DACH1: variants seen among roughly 807,000 people sequenced by gnomAD.
The protein encoded by DACH1 is dachshund family transcription factor 1, also known as dachshund homolog 1.
Under a neutral mutation model 54.2 loss-of-function variants are expected in DACH1, and 12 were observed. The observed-to-expected ratio is 0.22, with a 90% confidence interval of 0.14 to 0.36. DACH1 has a LOEUF of 0.36. Among genes scored for constraint, DACH1 ranks in the 10% least tolerant of loss-of-function variants. The pLI, the probability that DACH1 is intolerant of heterozygous loss-of-function variation, is 1.00. For synonymous variants in DACH1, 386 were observed against 366.2 expected (o/e 1.05, Z -0.62); for missense variants, 805 against 929.8 (o/e 0.87, Z 1.75).
chr13:71,452,008 T>G (rs1384844976), intron 10 of DACH1, among the ~76,000 whole-genome samples: 1 of 152,166 alleles, frequency 6.6e-6, no homozygotes, highest in Non-Finnish European at 1.5e-5. Flanking sequence ...ACAGAGAAAA[T>G]GCTAAAACAC....
intron 1 of DACH1, among the ~76,000 whole-genome samples, chr13:71,816,581 C>CATATATATATACACACATAT (rs1566519157): frequency 1.1e-4 from 13 of 122,738 alleles, no homozygotes; most frequent in African/African-American, 4.1e-4. Flanking sequence ...TATATATACA[C>CATATATATATACACACATAT]GTATATATAT....
At chr13:71,485,630 G>A (rs1431571166) in intron 7 of DACH1, among the ~76,000 whole-genome samples, 2 of 128,632 alleles carry the variant, frequency 1.6e-5, no homozygotes, top group Non-Finnish European at 3.1e-5. Context: ...CTGTCGCCAG[G>A]CTGGAGTGCA....
chr13:71,496,452 C>T (rs2138221206), intron 6 of DACH1, among the ~76,000 whole-genome samples: 1 of 151,178 alleles, frequency 6.6e-6, no homozygotes, highest in Non-Finnish European at 1.5e-5. Flanking sequence ...TATCTTAAAA[C>T]AAGTCAGTTA....
At chr13:71,695,811 G>A (rs576939064) in intron 1 of DACH1, among the ~76,000 whole-genome samples, 3 of 152,180 alleles carry the variant, frequency 2.0e-5, no homozygotes, top group Non-Finnish European at 2.9e-5. Flanking sequence ...AATTGTGTTT[G>A]TTCAGTAGCC....
intron 7 of DACH1, among the ~76,000 whole-genome samples, chr13:71,488,311 T>C (rs1327951270): frequency 1.3e-5 from 2 of 152,196 alleles, no homozygotes; most frequent in African/African-American, 2.4e-5. Flanking sequence ...GATCACTTCA[T>C]GTGTGGGCAA....
chr13:71,828,444 C>A (rs560584113), intron 1 of DACH1, among the ~76,000 whole-genome samples: 4 of 151,894 alleles, frequency 2.6e-5, no homozygotes, highest in Non-Finnish European at 5.9e-5. Context: ...TACACCCGTG[C>A]CATCGACATC....
intron 3 of DACH1, among the ~76,000 whole-genome samples, chr13:71,610,192 A>AACC (rs57905456): frequency 0.14 from 21,675 of 152,058 alleles, 3,611 homozygotes; most frequent in African/African-American, 0.4. Flanking sequence ...AGGTTCTATG[A>AACC]ACCACTAAAT....
At chr13:71,586,840 T>A (rs915519835) in intron 3 of DACH1, among the ~76,000 whole-genome samples, 1 of 152,124 alleles carries the variant, frequency 6.6e-6, no homozygotes, top group Non-Finnish European at 1.5e-5. Context: ...GTTTCTCACA[T>A]GTAAAATAAT....
chr13:71,454,162 C>A (rs1875334981), intron 10 of DACH1, among the ~76,000 whole-genome samples: 1 of 152,104 alleles, frequency 6.6e-6, no homozygotes, highest in Admixed American at 6.5e-5. Context: ...GTTAATCAAG[C>A]AAATTTACCA....
intron 3 of DACH1, among the ~76,000 whole-genome samples, chr13:71,599,759 A>AT (rs1033261496): frequency 1.8e-4 from 28 of 151,538 alleles, no homozygotes; most frequent in Non-Finnish European, 1.5e-4. Context: ...GCTAATGTTA[A>AT]TTTTTTTTAC....
chr13:71,560,954 T>C (rs935534007), intron 4 of DACH1, among the ~76,000 whole-genome samples: 2 of 152,186 alleles, frequency 1.3e-5, no homozygotes, highest in Admixed American at 1.3e-4. Context: ...AATTAGTACA[T>C]TATTCCTTAT....
intron 2 of DACH1, among the ~76,000 whole-genome samples, chr13:71,643,953 A>G (rs967360512): frequency 3.9e-5 from 6 of 152,166 alleles, no homozygotes; most frequent in Non-Finnish European, 5.9e-5. Flanking sequence ...CTAAAAGCAG[A>G]GGTCAGCTTT....
intron 1 of DACH1, among the ~76,000 whole-genome samples, chr13:71,779,178 C>T (rs995390097): frequency 8.2e-6 from 1 of 121,214 alleles, no homozygotes; most frequent in African/African-American, 3.3e-5. Flanking sequence ...TATATATATA[C>T]ACATATATAC....
intron 6 of DACH1, among the ~76,000 whole-genome samples, chr13:71,555,703 G>C (rs964470689): frequency 6.6e-6 from 1 of 151,838 alleles, no homozygotes; most frequent in Non-Finnish European, 1.5e-5. Flanking sequence ...CAAAAGTATA[G>C]GTCAAAATAA....
At chr13:71,478,320 C>T (rs1200726519) in intron 8 of DACH1, among the ~76,000 whole-genome samples, 2 of 152,092 alleles carry the variant, frequency 1.3e-5, no homozygotes, top group East Asian at 1.9e-4. Flanking sequence ...ACTGTTGCTT[C>T]GTAATAGCTA....
At chr13:71,640,995 T>C (rs1242686222) in intron 2 of DACH1, among the ~76,000 whole-genome samples, 1 of 152,060 alleles carries the variant, frequency 6.6e-6, no homozygotes, top group Non-Finnish European at 1.5e-5. Context: ...TTTTTTTCTT[T>C]TTCCAGATTC....
intron 3 of DACH1, among the ~76,000 whole-genome samples, chr13:71,574,781 C>T (rs1427255365): frequency 6.6e-6 from 1 of 151,980 alleles, no homozygotes; most frequent in Non-Finnish European, 1.5e-5. Context: ...GAAACCATGA[C>T]AGCTTTTGGT....
chr13:71,587,806 G>T (rs1873390409), intron 3 of DACH1, among the ~76,000 whole-genome samples: 2 of 151,942 alleles, frequency 1.3e-5, no homozygotes, highest in South Asian at 4.1e-4. Flanking sequence ...CTTCTAAAAA[G>T]ATTAATTTCC....
chr13:71,651,736 A>ATG (rs1237989010), intron 2 of DACH1, among the ~76,000 whole-genome samples: 1 of 151,824 alleles, frequency 6.6e-6, no homozygotes, highest in Non-Finnish European at 1.5e-5. Flanking sequence ...GTGTATATAT[A>ATG]TGTGTGCATA....
Sources: allele counts gnomAD v4.1 joint callset (sites outside exome capture counted in the v4.1 genomes callset), GRCh38; gene constraint gnomAD v4.1.1; transcripts MANE v1.5; gene names NCBI Gene and HGNC (gene_info 2026-07-23, HGNC 2026-07-21).